Variants in SUCLG1 observed in about 807,000 individuals in gnomAD.
The protein encoded by SUCLG1 is succinate-CoA ligase GDP/ADP-forming subunit alpha.
A neutral mutation model predicts 37.3 loss-of-function variants in SUCLG1; 26 were observed. That is an observed-to-expected ratio of 0.70 (90% CI 0.51 to 0.97). The LOEUF (loss-of-function observed/expected upper bound fraction) is 0.97. Ranked by LOEUF, SUCLG1 falls within the 50% of genes least tolerant of loss-of-function variation. The pLI is 0.00. For missense variants in SUCLG1, 433 were observed against 432.9 expected, an observed-to-expected ratio of 1.00 and a Z score of 0.00; for synonymous variants, 163 against 155.6, an observed-to-expected ratio of 1.05 and a Z score of -0.36.
intron 2 of SUCLG1, chr2:84,448,869 A>T (rs1347655287): frequency 3.5e-6 from 1 of 285,410 alleles, no homozygotes; most frequent in Non-Finnish European, 7.2e-6. Context: ...ACTACAAAAC[A>T]CATATTATAT....
At chr2:84,445,129 G>C (rs536138435) in intron 2 of SUCLG1, among the ~76,000 whole-genome samples, 3 of 152,186 alleles carry the variant, frequency 2.0e-5, no homozygotes, top group Non-Finnish European at 2.9e-5. Context: ...ATATTGATTG[G>C]GGAAGTGATA....
intron 1 of SUCLG1, among the ~76,000 whole-genome samples, chr2:84,455,371 GTAATCCCAGCTA>G (rs1673001579): frequency 1.3e-5 from 2 of 152,154 alleles, no homozygotes; most frequent in Non-Finnish European, 2.9e-5. Context: ...GCACATGCCT[GTAATCCCAGCTA>G]GTCGGGAGGC....
intron 1 of SUCLG1, among the ~76,000 whole-genome samples, chr2:84,457,753 A>G (rs1226982714): frequency 6.6e-6 from 1 of 152,162 alleles, no homozygotes; most frequent in Non-Finnish European, 1.5e-5. Context: ...GTTTAAAACC[A>G]TATCCAATAT....
intron 5 of SUCLG1, among the ~76,000 whole-genome samples, chr2:84,435,036 C>A (rs1231303218): frequency 6.6e-6 from 1 of 152,224 alleles, no homozygotes; most frequent in Non-Finnish European, 1.5e-5. Flanking sequence ...CGATGCCTCA[C>A]TTCACGTGGA....
intron 6 of SUCLG1, chr2:84,433,117 G>C: frequency 1.8e-6 from 1 of 570,730 alleles, no homozygotes; most frequent in South Asian, 2.1e-5. Context: ...AGGTGCTTCG[G>C]GAGCCACGTG....
chr2:84,435,594 C>T (rs1672675560), intron 5 of SUCLG1, among the ~76,000 whole-genome samples: 1 of 152,116 alleles, frequency 6.6e-6, no homozygotes. Flanking sequence ...GGCTTTTGTT[C>T]ATTATAATAG....
rs1672492486 is a variant in SUCLG1 at position 84,423,831 on chromosome 2, A to G, written c.1015-59T>C. The G allele has an allele frequency of 1.2e-5, 19 of 1,537,412 alleles. No homozygotes were observed. The South Asian group carries it at 2.1e-4, about 17-fold the overall frequency. ...GAATGAATAAAGATAAAAGATCCAA[A>G]TCACATTTAGGATCAAAATGATTTT... On this transcript the variant is annotated intron_variant, in intron 8 of 8. Transcript: ENST00000393868.
At chr2:84,452,183 T>TAAA (rs35100622) in intron 1 of SUCLG1, among the ~76,000 whole-genome samples, 1 of 115,028 alleles carries the variant, frequency 8.7e-6, no homozygotes. Context: ...AGTACTATAA[T>TAAA]AAAAAAAAAA....
At chr2:84,434,335 C>T (rs1672652982) in intron 5 of SUCLG1, among the ~76,000 whole-genome samples, 1 of 152,126 alleles carries the variant, frequency 6.6e-6, no homozygotes, top group South Asian at 2.1e-4. Context: ...GCTTTAAAAT[C>T]AATATAAAGA....
intron 5 of SUCLG1, among the ~76,000 whole-genome samples, chr2:84,436,457 C>T (rs1489297476): frequency 3.3e-5 from 5 of 152,184 alleles, no homozygotes; most frequent in Non-Finnish European, 7.3e-5. Context: ...CAAGACAGTG[C>T]CTCCGATCAA....
intron 1 of SUCLG1, among the ~76,000 whole-genome samples, chr2:84,454,678 G>A (rs1453932036): frequency 6.6e-6 from 1 of 152,188 alleles, no homozygotes; most frequent in Non-Finnish European, 1.5e-5. Context: ...GAAGGAAAGA[G>A]GCTGAGTAAT....
chr2:84,433,771 T>C (rs1030047631), intron 5 of SUCLG1: 4 of 334,668 alleles, frequency 1.2e-5, no homozygotes, highest in African/African-American at 6.4e-5. Context: ...GTACTAATCA[T>C]ACCTACAGTG....
chr2:84,438,035 T>G (rs1328765360), intron 5 of SUCLG1, among the ~76,000 whole-genome samples: 5 of 152,160 alleles, frequency 3.3e-5, no homozygotes, highest in Admixed American at 1.3e-4. Context: ...GAGAGTAGAT[T>G]ACTGGTTGTC....
intron 5 of SUCLG1, among the ~76,000 whole-genome samples, chr2:84,434,618 T>C (rs1284592691): frequency 6.6e-6 from 1 of 152,108 alleles, no homozygotes; most frequent in Non-Finnish European, 1.5e-5. Flanking sequence ...GTGTCCATGG[T>C]TTACTTTCCT....
Position 84,431,663 on chromosome 2 carries a change from A to T in SUCLG1, c.674-4T>A. ...TTAAAAGGATCACCTCCAATGCCTG[A>T]AAAAGTTGAAAAATATCAATAGCTG... On this transcript the variant is annotated splice_region_variant and splice_polypyrimidine_tract_variant and intron_variant, in intron 6 of 8. Coordinates refer to ENST00000393868, the MANE Select transcript of SUCLG1 (RefSeq NM_003849.4). The T allele has an allele frequency of 6.2e-7, 1 of 1,613,822 alleles. No homozygotes were observed. The highest frequency in any genetic ancestry group is 8.5e-7 in the Non-Finnish European group (1 of 1,179,840).
chr2:84,443,436 C>G, intron 2 of SUCLG1, 36 bp from the exon 3 acceptor site: 1 of 1,585,422 alleles, frequency 6.3e-7, no homozygotes, highest in Middle Eastern at 1.7e-4. Flanking sequence ...TGAGAAACAG[C>G]AGACTGGTAA....
chr2:84,457,877 C>G (rs1276337964), intron 1 of SUCLG1, among the ~76,000 whole-genome samples: 4 of 152,058 alleles, frequency 2.6e-5, no homozygotes, highest in South Asian at 4.2e-4. Flanking sequence ...CTTTACCAAA[C>G]AAACCATTTC....
Position 84,441,447 on chromosome 2 carries a change from TC to T in SUCLG1, c.330del (p.Thr111GlnfsTer57). ...TAAATGACAGAAGCCGTTGCTCCTG[TC>T]TGTTCTTTGGCCTGAAACATTAACG... is the stretch of plus-strand genomic sequence containing the variant. ...VFNTVKEAKE[Q>X]TGATASVIYV... On this transcript the variant is annotated frameshift_variant, in exon 4 of 9. Transcript: ENST00000393868. LOFTEE classifies it high-confidence loss of function. The T allele has an allele frequency of 6.2e-7, 1 of 1,614,152 alleles. No homozygotes were observed. The highest frequency in any genetic ancestry group is 1.1e-5 in the South Asian group (1 of 91,088).
chr2:84,448,907 A>G (rs916657192), intron 2 of SUCLG1: 4 of 361,544 alleles, frequency 1.1e-5, no homozygotes, highest in African/African-American at 2.2e-5. Flanking sequence ...CAAGAAAAAT[A>G]TCTGAAAGGA....
Sources: allele counts gnomAD v4.1 joint callset (sites outside exome capture counted in the v4.1 genomes callset), GRCh38; gene constraint gnomAD v4.1.1; transcripts MANE v1.5; gene names NCBI Gene and HGNC (gene_info 2026-07-23, HGNC 2026-07-21).